The following RGS9 variants were observed in gnomAD, a reference collection of about 807,000 sequenced individuals.
RGS9 encodes regulator of G protein signaling 9.
In RGS9, 78 loss-of-function variants were observed where a neutral mutation model predicts 102.0. The observed-to-expected ratio is 0.76, with a 90% CI of 0.64 to 0.92. The LOEUF (loss-of-function observed/expected upper bound fraction) is 0.92. RGS9 is among the 40% of genes least tolerant of loss of function. RGS9 has a pLI of 0.00. For synonymous variants in RGS9, 353 were observed against 318.6 expected (o/e 1.11, Z -1.15); for missense variants, 833 against 866.1 (o/e 0.96, Z 0.48).
At chr17:65,161,472 G>A (rs1324339730) in intron 6 of RGS9, among the ~76,000 whole-genome samples, 3 of 151,888 alleles carry the variant, frequency 2.0e-5, no homozygotes, top group African/African-American at 7.3e-5. Context: ...GGCTAGTCTC[G>A]AACTTCTGAC....
At chr17:65,184,330 G>A (rs1912019598) in intron 9 of RGS9, among the ~76,000 whole-genome samples, 3 of 152,224 alleles carry the variant, frequency 2.0e-5, no homozygotes, top group Non-Finnish European at 2.9e-5. Flanking sequence ...TTTCAGATAA[G>A]CAATGAATAT....
rs563140992 is a variant in RGS9 at position 65,143,775 on chromosome 17, C to T, written c.57+6178C>T. On this transcript the variant is annotated intron_variant, in intron 1 of 18. Transcript: ENST00000262406. ...TGCCACTGCACTCCAGCCTGGGCGA[C>T]AGAGCCAGACTCTGTCTCAAAAAAA... 9.4e-3 allele frequency among the ~76,000 whole-genome samples: 1,300 copies of T among 138,408 alleles called. 4 individuals carry two copies. Among genetic ancestry groups the T allele is most frequent in the Non-Finnish European group, 0.015 (961 of 65,996 alleles). The allele number at this position is 138,408 out of a possible 152,430, so 90.8% of individuals were successfully genotyped here.
At chr17:65,160,503 T>A (rs1910938514) in intron 4 of RGS9, 33 bp from the exon 5 acceptor site, 6 of 1,613,992 alleles carry the variant, frequency 3.7e-6, no homozygotes, top group Non-Finnish European at 5.1e-6. Context: ...ACAATCCAGT[T>A]TTAAAGCGTG....
chr17:65,141,737 G>T (rs980614848), intron 1 of RGS9, among the ~76,000 whole-genome samples: 1 of 152,164 alleles, frequency 6.6e-6, no homozygotes, highest in African/African-American at 2.4e-5. Context: ...TGGGGTCAGG[G>T]GGGATCAGGA....
chr17:65,194,716 A>C (rs1912516786), intron 12 of RGS9, among the ~76,000 whole-genome samples: 1 of 152,116 alleles, frequency 6.6e-6, no homozygotes, highest in South Asian at 2.1e-4. Context: ...GTAATGGTCA[A>C]ATTAGAGGGA....
At chr17:65,214,431 A>G (rs1913414671) in intron 17 of RGS9, among the ~76,000 whole-genome samples, 1 of 152,210 alleles carries the variant, frequency 6.6e-6, no homozygotes, top group East Asian at 1.9e-4. Context: ...ATGATCAAGG[A>G]TGATGATTGT....
intron 9 of RGS9, among the ~76,000 whole-genome samples, chr17:65,183,078 A>ATCTG (rs1911954469): frequency 6.7e-6 from 1 of 149,400 alleles, no homozygotes; most frequent in Non-Finnish European, 1.5e-5. Flanking sequence ...CTATCTATCT[A>ATCTG]TCTATCTATC....
At chr17:65,201,687 C>T (rs1230174839) in intron 13 of RGS9, among the ~76,000 whole-genome samples, 1 of 152,216 alleles carries the variant, frequency 6.6e-6, no homozygotes, top group Non-Finnish European at 1.5e-5. Flanking sequence ...GAAGCTGCCA[C>T]GGTGTGAATG....
At chr17:65,191,601 G>T (rs890013330) in intron 11 of RGS9, among the ~76,000 whole-genome samples, 1 of 152,042 alleles carries the variant, frequency 6.6e-6, no homozygotes, top group African/African-American at 2.4e-5. Flanking sequence ...ACAAAAATTA[G>T]CCAGGAATGG....
chr17:65,177,664 G>C, intron 8 of RGS9, 68 bp from the exon 9 acceptor site: 1 of 1,446,406 alleles, frequency 6.9e-7, no homozygotes, highest in South Asian at 1.1e-5. Context: ...GATTAACCAA[G>C]ACCCACAGTT....
chr17:65,153,386 T>C (rs1349279151), intron 1 of RGS9, 36 bp from the exon 2 acceptor site: 1 of 1,569,528 alleles, frequency 6.4e-7, no homozygotes, highest in Non-Finnish European at 8.8e-7. Flanking sequence ...TCAAAATTGT[T>C]CTCGTCAGTC....
chr17:65,167,056 G>A (rs986904226), intron 7 of RGS9, among the ~76,000 whole-genome samples: 2 of 152,216 alleles, frequency 1.3e-5, no homozygotes, highest in Admixed American at 1.3e-4. Flanking sequence ...GCGGGTCTCC[G>A]TGGAAATGGT....
At chr17:65,191,760 T>A (rs76556033) in intron 11 of RGS9, among the ~76,000 whole-genome samples, 11,773 of 151,304 alleles carry the variant, frequency 0.078, 551 homozygotes, top group Middle Eastern at 0.13. Flanking sequence ...AAGAAAAAAA[T>A]AAAAAAGGTC....
chr17:65,159,767 C>G (rs1910907532), intron 3 of RGS9, among the ~76,000 whole-genome samples: 1 of 152,156 alleles, frequency 6.6e-6, no homozygotes. Context: ...ACCCGAGATG[C>G]AGGCAGAGGT....
intron 13 of RGS9, among the ~76,000 whole-genome samples, chr17:65,200,581 C>T (rs894260574): frequency 2.6e-5 from 4 of 152,162 alleles, no homozygotes; most frequent in African/African-American, 4.8e-5. Context: ...GTCCAAAGAA[C>T]GCCCTAAAGT....
chr17:65,189,691 T>G (rs1225949382), intron 10 of RGS9, among the ~76,000 whole-genome samples: 1 of 152,266 alleles, frequency 6.6e-6, no homozygotes, highest in East Asian at 1.9e-4. Flanking sequence ...ATCTTATGTC[T>G]GGGGCCCAAG....
At chr17:65,169,187 G>A (rs1011850717) in intron 8 of RGS9, among the ~76,000 whole-genome samples, 4 of 152,156 alleles carry the variant, frequency 2.6e-5, no homozygotes, top group African/African-American at 4.8e-5. Context: ...TCCGATTTTG[G>A]CTGTTTTGCT....
At chr17:65,188,658 G>A (rs1912230799) in intron 9 of RGS9, 1 of 154,378 alleles carries the variant, frequency 6.5e-6, no homozygotes, top group East Asian at 1.9e-4. Flanking sequence ...TGTTACCCAG[G>A]CTAGAATGCA....
chr17:65,160,327 C>T lies in RGS9; in HGVS notation c.300C>T (p.Leu100=). 1 of 1,613,686 alleles carries T rather than the reference C, an allele frequency of 6.2e-7. No homozygotes were observed. The highest frequency in any genetic ancestry group is 1.1e-5 in the South Asian group (1 of 91,074). Residue 100 remains leucine (L), a synonymous_variant, in exon 4 of 19, where the codon CTC becomes CTT. Transcript: ENST00000262406. ...TCATTCTCAAGCCTGATGGCAGCCT[C>T]TACAGATTTCAGGTGAGTCTTGGCC... ...KNLILKPDGS[L]YRFQTPYFWP...
Sources: allele counts gnomAD v4.1 joint callset (sites outside exome capture counted in the v4.1 genomes callset), GRCh38; gene constraint gnomAD v4.1.1; transcripts MANE v1.5; gene names NCBI Gene and HGNC (gene_info 2026-07-23, HGNC 2026-07-21).